Variants in VAV2 observed in about 807,000 individuals in gnomAD.
The protein encoded by VAV2 is guanine nucleotide exchange factor VAV2.
VAV2 carries 67 observed loss-of-function variants against 132.5 expected under a neutral mutation model. The ratio of observed to expected loss-of-function variants is 0.51; its 90% CI spans 0.42 to 0.62. VAV2 has a LOEUF of 0.62. Ranked by LOEUF, VAV2 falls within the 20% of genes least tolerant of loss-of-function variation. The pLI is 0.00. For missense variants in VAV2, 938 were observed against 1,153.6 expected (o/e 0.81, Z 2.71); for synonymous variants, 492 against 443.5 (o/e 1.11, Z -1.37).
intron 2 of VAV2, among the ~76,000 whole-genome samples, chr9:133,911,765 G>A (rs1023593302): frequency 2.0e-5 from 3 of 152,204 alleles, no homozygotes; most frequent in African/African-American, 4.8e-5. Context: ...AACAAGGTCC[G>A]CCTGGGCGGG....
intron 25 of VAV2, 98 bp from the exon 26 acceptor site, chr9:133,772,144 C>T: frequency 9.4e-7 from 1 of 1,060,112 alleles, no homozygotes; most frequent in South Asian, 1.4e-5. Context: ...GCAGCAAAGC[C>T]CCTCGTCCCT....
chr9:133,954,201 T>A (rs1307975153), intron 1 of VAV2, among the ~76,000 whole-genome samples: 1 of 152,208 alleles, frequency 6.6e-6, no homozygotes, highest in African/African-American at 2.4e-5. Context: ...TCTGTTACCA[T>A]CCCAGTCATT....
chr9:133,971,676 A>AGCAGG (rs1038470956), intron 1 of VAV2, among the ~76,000 whole-genome samples: 1 of 152,168 alleles, frequency 6.6e-6, no homozygotes, highest in Admixed American at 6.5e-5. Flanking sequence ...CGTGGGAAGG[A>AGCAGG]GCAGGGCAGG....
In VAV2 at chr9:133,804,508, A is replaced by G. The variant is rs2131661970; in HGVS notation, c.836+1573T>C. 6.6e-6 allele frequency among the ~76,000 whole-genome samples: 1 copy of G among 152,280 alleles called. No individual in the cohort carries two copies. The highest frequency in any genetic ancestry group is 2.4e-5 in the African/African-American group (1 of 41,554). On this transcript the variant is annotated intron_variant, in intron 9 of 29. Coordinates refer to ENST00000371850, the MANE Select transcript of VAV2 (RefSeq NM_001134398.2). This position sits in a 1 kb window ranked among gnomAD's most constrained non-coding sequence, Gnocchi z 4.5. ...GTGTCGCCGGGCAGCCTGACTGTGG[A>G]GGGAGGCTCCTGGGAGAGGACAGGT... is the stretch of plus-strand genomic sequence containing the variant.
In VAV2 at chr9:133,770,406, C is replaced by T. The variant is rs1189297870; in HGVS notation, c.2319G>A (p.Ser773=). The T allele has an allele frequency of 2.5e-6, 4 of 1,614,084 alleles. No homozygotes were observed. The highest frequency in any genetic ancestry group is 2.5e-6 in the Non-Finnish European group (3 of 1,179,972). ...GGGACCGGCTGGAGGCCCTGGAGGC[C>T]GAACGTTCCCGGGACTTGTAGGGGT... ...LKYPYKSRER[S]ASRASSRSPA... The change falls in exon 27 of 30, where the codon TCG becomes TCA. Residue 773 remains serine (S), a synonymous_variant. Transcript: ENST00000371850.
chr9:133,824,372 C>T lies in VAV2; in HGVS notation c.449+9900G>A, dbSNP rs1243503783. ...TCCCGAGAACAGACACAGCAGAGAC[C>T]AGGACCCTCCTAAAACCCCAGCCCA... On this transcript the variant is annotated intron_variant, in intron 4 of 29. Coordinates refer to ENST00000371850, the MANE Select transcript of VAV2 (RefSeq NM_001134398.2). This position sits in a 1 kb window ranked among gnomAD's most constrained non-coding sequence, Gnocchi z 5.2. Among the ~76,000 whole-genome samples, 1 of 152,000 alleles carries T rather than the reference C, an allele frequency of 6.6e-6. No individual in the cohort carries two copies. Among genetic ancestry groups the T allele is most frequent in the African/African-American group, 2.4e-5 (1 of 41,372 alleles).
intron 2 of VAV2, among the ~76,000 whole-genome samples, chr9:133,876,997 C>A (rs1293667538): frequency 6.6e-6 from 1 of 152,126 alleles, no homozygotes; most frequent in Non-Finnish European, 1.5e-5. Flanking sequence ...CAAGGCTGAG[C>A]TTAAACCCTT....
chr9:133,825,720 C>T (rs1300355773), intron 4 of VAV2, among the ~76,000 whole-genome samples: 1 of 152,112 alleles, frequency 6.6e-6, no homozygotes, highest in Non-Finnish European at 1.5e-5. Context: ...CGGTTTGTTC[C>T]TCACTCCTTG....
chr9:133,901,907 C>A (rs879747819), intron 2 of VAV2, among the ~76,000 whole-genome samples: 3 of 152,218 alleles, frequency 2.0e-5, no homozygotes, highest in Non-Finnish European at 4.4e-5. Context: ...GACAGCTGCG[C>A]TCCAGAGGCC....
intron 2 of VAV2, among the ~76,000 whole-genome samples, chr9:133,929,480 A>C (rs1476017283): frequency 6.6e-6 from 1 of 152,048 alleles, no homozygotes; most frequent in Admixed American, 6.5e-5. Context: ...GCTCAGGTGG[A>C]TAGAGTGACA....
Position 133,879,757 on chromosome 9 carries a change from T to G in VAV2, c.322-18325A>C, listed in dbSNP as rs774039733. Among the ~76,000 whole-genome samples, 4 of 151,872 alleles carry G rather than the reference T, an allele frequency of 2.6e-5. No homozygotes were observed. The highest frequency in any genetic ancestry group is 4.8e-5 in the African/African-American group (2 of 41,324). ...ACCGCCTTGCGAGCTGCAAGTCCGA[T>G]CTGTGCAATGTGAGCCCCTGCAGGA... On this transcript the variant is annotated intron_variant, in intron 2 of 29. Transcript: ENST00000371850. This position sits in a 1 kb window ranked among gnomAD's most constrained non-coding sequence, Gnocchi z 4.4.
intron 2 of VAV2, among the ~76,000 whole-genome samples, chr9:133,905,266 TA>T (rs35348134): frequency 2.8e-5 from 4 of 145,312 alleles, no homozygotes; most frequent in Non-Finnish European, 4.5e-5. Flanking sequence ...CCATCTCTAC[TA>T]AAAAAAAAAA....
chr9:133,869,160 G>C (rs908260754), intron 2 of VAV2, among the ~76,000 whole-genome samples: 7 of 152,080 alleles, frequency 4.6e-5, no homozygotes, highest in African/African-American at 1.7e-4. Flanking sequence ...ACCACACCTG[G>C]CTAATCTTGT....
Position 133,787,219 on chromosome 9 carries a change from G to A in VAV2, c.1422+27C>T, listed in dbSNP as rs367608184. The A allele has an allele frequency of 8.3e-6, 13 of 1,567,072 alleles. No homozygotes were observed. In the African/African-American group the frequency reaches 1.6e-4, roughly 20 times the overall value. ...CCAGGCTGGGATGATTGAGGCAGGTGGGAGGACCTGGGCGCTAGGTGCTTA... is the reference window on the plus strand; with the variant it reads ...CCAGGCTGGGATGATTGAGGCAGGTAGGAGGACCTGGGCGCTAGGTGCTTA... On this transcript the variant is annotated intron_variant, in intron 16 of 29. Coordinates refer to ENST00000371850, the MANE Select transcript of VAV2 (RefSeq NM_001134398.2).
chr9:133,957,682 C>G (rs1841829755), intron 1 of VAV2, among the ~76,000 whole-genome samples: 1 of 152,116 alleles, frequency 6.6e-6, no homozygotes, highest in Non-Finnish European at 1.5e-5. Context: ...CAGCTGGCCC[C>G]ACCTCAGCCG....
At chr9:133,817,256 TGA>T (rs142589694) in intron 4 of VAV2, among the ~76,000 whole-genome samples, 26,952 of 152,204 alleles carry the variant, frequency 0.18, 2,586 homozygotes, top group African/African-American at 0.24. Flanking sequence ...CTTCCTCTTC[TGA>T]GAGACTGCAA....
intron 2 of VAV2, among the ~76,000 whole-genome samples, chr9:133,893,157 G>A (rs7027853): frequency 1.3e-5 from 2 of 152,118 alleles, no homozygotes; most frequent in Non-Finnish European, 2.9e-5. Context: ...CCCACCTCCC[G>A]CGAAGACTCC....
chr9:133,810,641 C>T (rs1459257048), intron 5 of VAV2, among the ~76,000 whole-genome samples: 1 of 152,228 alleles, frequency 6.6e-6, no homozygotes, highest in African/African-American at 2.4e-5. Context: ...GGCATGAGGA[C>T]ACTGTGCAGA....
chr9:133,968,808 G>A (rs375008224), intron 1 of VAV2, among the ~76,000 whole-genome samples: 2 of 152,298 alleles, frequency 1.3e-5, no homozygotes, highest in South Asian at 4.1e-4. Flanking sequence ...GCTCAGATCT[G>A]GAGGGTGTCT....
Sources: gnomAD v4.1 joint callset for allele counts (sites outside exome capture counted in the v4.1 genomes callset) on GRCh38, gnomAD v4.1.1 for gene constraint, Gnocchi (gnomAD v3.1) non-coding constraint, MANE v1.5 for transcripts, NCBI Gene and HGNC (gene_info 2026-07-23, HGNC 2026-07-21) for gene names.